GPHN: variants seen among roughly 807,000 people sequenced by gnomAD.
GPHN encodes the protein gephyrin.
In GPHN, 17 loss-of-function variants were observed where a neutral mutation model predicts 95.5. That is an observed-to-expected ratio of 0.18 (90% CI 0.12 to 0.27). GPHN has a LOEUF of 0.27. GPHN is among the 10% of genes least tolerant of loss of function. The probability of loss-of-function intolerance (pLI) is 1.00; values close to 1 mark genes in which losing one functional copy is unlikely to be tolerated. For missense variants in GPHN, 660 were observed against 978.1 expected (o/e 0.67, Z 4.34); for synonymous variants, 320 against 322.5 (o/e 0.99, Z 0.08).
chr14:67,232,859 A>G, the GPHN span, among the ~76,000 whole-genome samples: 100 of 152,190 alleles, frequency 6.6e-4, no homozygotes, highest in African/African-American at 2.1e-3. Context: ...GCCTTCCTGC[A>G]TTTGCTTGAA....
intron 10 of GPHN, among the ~76,000 whole-genome samples, chr14:67,053,286 C>T (rs2075398186): frequency 6.7e-6 from 1 of 150,124 alleles, no homozygotes; most frequent in Non-Finnish European, 1.5e-5. Flanking sequence ...GGGGATATCA[C>T]CACTGACCCC....
At chr14:66,699,309 C>A (rs1319834909) in intron 2 of GPHN, among the ~76,000 whole-genome samples, 1 of 151,446 alleles carries the variant, frequency 6.6e-6, no homozygotes, top group Non-Finnish European at 1.5e-5. Flanking sequence ...ATGTAACAAA[C>A]CTGCACATTG....
intron 2 of GPHN, among the ~76,000 whole-genome samples, chr14:66,734,424 T>C (rs1283083390): frequency 2.0e-5 from 3 of 152,224 alleles, no homozygotes; most frequent in Admixed American, 2.0e-4. Flanking sequence ...GTACCTAGAA[T>C]GTTTTTCTCC....
At chr14:67,692,544 C>T in the GPHN span, 2 of 1,610,518 alleles carry the variant, frequency 1.2e-6, no homozygotes, top group Non-Finnish European at 1.7e-6. Context: ...TCTCTTTGGC[C>T]ACCAATTCCC....
At chr14:67,212,642 TACA>T in the GPHN span, among the ~76,000 whole-genome samples, 3 of 145,630 alleles carry the variant, frequency 2.1e-5, no homozygotes, top group Non-Finnish European at 4.5e-5. Context: ...TAATATATAT[TACA>T]TATATATATA....
the GPHN span, among the ~76,000 whole-genome samples, chr14:67,456,118 A>G: frequency 3.0e-4 from 45 of 152,288 alleles, no homozygotes; most frequent in Non-Finnish European, 5.0e-4. Flanking sequence ...ACAAATTAAC[A>G]AACAAAAAAC....
the GPHN span, among the ~76,000 whole-genome samples, chr14:67,511,751 C>A: frequency 1.1e-4 from 17 of 152,182 alleles, no homozygotes; most frequent in Non-Finnish European, 2.2e-4. Context: ...TACATTTATA[C>A]ATAGGGGAAC....
At chr14:66,896,407 C>T (rs1452970364) in intron 5 of GPHN, among the ~76,000 whole-genome samples, 1 of 151,960 alleles carries the variant, frequency 6.6e-6, no homozygotes, top group African/African-American at 2.4e-5. Flanking sequence ...TCACTTGAGT[C>T]CAGAAGTTCG....
At chr14:67,395,298 C>A in the GPHN span, 1 of 972,642 alleles carries the variant, frequency 1.0e-6, no homozygotes. Context: ...TGGCACCAGC[C>A]AGACTGTGCA....
intron 4 of GPHN, among the ~76,000 whole-genome samples, chr14:66,841,010 GATATAGATATAGATATAGATA>G (rs1567006677): frequency 1.4e-5 from 2 of 144,604 alleles, no homozygotes; most frequent in African/African-American, 5.2e-5. Context: ...TATAGATATA[GATATAGATATAGATATAGATA>G]TAGGTATAGA....
At chr14:67,070,235 G>A (rs2076227682) in intron 11 of GPHN, among the ~76,000 whole-genome samples, 1 of 151,052 alleles carries the variant, frequency 6.6e-6, no homozygotes, top group African/African-American at 2.4e-5. Flanking sequence ...TCTTCAAAAT[G>A]TATATCTTAA....
At chr14:67,445,973 G>A in the GPHN span, 157 of 478,950 alleles carry the variant, frequency 3.3e-4, no homozygotes, top group Admixed American at 3.3e-3. Flanking sequence ...AGTCTAGCCT[G>A]TAAGAAACAG....
At chr14:67,655,178 A>C in the GPHN span, among the ~76,000 whole-genome samples, 2 of 151,976 alleles carry the variant, frequency 1.3e-5, no homozygotes, top group Non-Finnish European at 2.9e-5. Flanking sequence ...CGTTTTTACA[A>C]AAAATTAAAA....
intron 1 of GPHN, among the ~76,000 whole-genome samples, chr14:66,572,143 T>G (rs1345296816): frequency 2.6e-5 from 4 of 152,244 alleles, no homozygotes; most frequent in African/African-American, 9.6e-5. Flanking sequence ...TACCATGCTG[T>G]TTTGATTACT....
the GPHN span, among the ~76,000 whole-genome samples, chr14:67,731,207 CTTTTTTTTTTTTT>C: frequency 2.2e-5 from 2 of 90,612 alleles, no homozygotes; most frequent in South Asian, 4.6e-4. Context: ...TTCTTTCTTT[CTTTTTTTTTTTTT>C]TTTTTTTTTT....
At chr14:67,386,593 A>G in the GPHN span, 2 of 152,236 alleles carry the variant, frequency 1.3e-5, no homozygotes, top group Non-Finnish European at 2.9e-5. Flanking sequence ...GTCTCAGCTT[A>G]TATTCATTTT....
At chr14:67,249,372 C>A in the GPHN span, among the ~76,000 whole-genome samples, 1 of 152,252 alleles carries the variant, frequency 6.6e-6, no homozygotes, top group South Asian at 2.1e-4. Flanking sequence ...CTAGGCCAAG[C>A]CTCACTTTTC....
the GPHN span, among the ~76,000 whole-genome samples, chr14:67,328,916 C>G: frequency 2.6e-5 from 4 of 152,180 alleles, no homozygotes; most frequent in South Asian, 2.1e-4. Context: ...TAGGGTGATG[C>G]CTTCAGCTTT....
At chr14:67,510,906 G>A in the GPHN span, among the ~76,000 whole-genome samples, 2 of 152,184 alleles carry the variant, frequency 1.3e-5, no homozygotes, top group Non-Finnish European at 2.9e-5. Flanking sequence ...TCCCTCCACT[G>A]ACTGTGCAAG....
Sources: gnomAD v4.1 joint callset for allele counts (sites outside exome capture counted in the v4.1 genomes callset) on GRCh38, gnomAD v4.1.1 for gene constraint, MANE v1.5 for transcripts, NCBI Gene and HGNC (gene_info 2026-07-23, HGNC 2026-07-21) for gene names.